PKHD1: variants seen among roughly 807,000 people sequenced by gnomAD.
PKHD1 encodes the protein fibrocystin.
Under a neutral mutation model 412.0 loss-of-function variants are expected in PKHD1, and 291 were observed. The observed-to-expected ratio is 0.71, with a 90% confidence interval of 0.64 to 0.78. PKHD1 has a LOEUF of 0.78. Among genes scored for constraint, PKHD1 ranks in the 30% least tolerant of loss-of-function variants. The probability of loss-of-function intolerance (pLI) is 0.00; values close to 1 mark genes in which losing one functional copy is unlikely to be tolerated. For missense variants in PKHD1, 4,825 were observed against 4,950.7 expected, an observed-to-expected ratio of 0.97 and a Z score of 0.76; for synonymous variants, 1,777 against 1,821.5, an observed-to-expected ratio of 0.98 and a Z score of 0.62.
At chr6:51,690,447 T>C (rs1389607461) in intron 60 of PKHD1, among the ~76,000 whole-genome samples, 3 of 152,042 alleles carry the variant, frequency 2.0e-5, no homozygotes, top group African/African-American at 4.8e-5. Context: ...CAAAACAGCA[T>C]AGTACTGGTA....
chr6:52,036,642 C>T (rs1437512422), intron 27 of PKHD1, among the ~76,000 whole-genome samples: 3 of 152,028 alleles, frequency 2.0e-5, no homozygotes, highest in Non-Finnish European at 4.4e-5. Flanking sequence ...CAGTGTGACT[C>T]GGTGGACTAG....
At chr6:51,700,034 TAGG>T (rs1779248195) in intron 60 of PKHD1, among the ~76,000 whole-genome samples, 1 of 151,714 alleles carries the variant, frequency 6.6e-6, no homozygotes, top group African/African-American at 2.4e-5. Context: ...AAAGATATTT[TAGG>T]AGAACTTGGC....
chr6:51,777,121 G>A (rs541615784), intron 53 of PKHD1, among the ~76,000 whole-genome samples: 120 of 152,128 alleles, frequency 7.9e-4, no homozygotes, highest in African/African-American at 2.8e-3. Context: ...ATAAATTCCC[G>A]AAAAGATAAC....
At chr6:51,914,496 C>G (rs1455208283) in intron 37 of PKHD1, among the ~76,000 whole-genome samples, 1 of 152,052 alleles carries the variant, frequency 6.6e-6, no homozygotes, top group Admixed American at 6.6e-5. Context: ...GAGCTACTAC[C>G]ATCTTGAAAT....
chr6:51,897,618 T>C (rs1232038078), intron 43 of PKHD1, among the ~76,000 whole-genome samples: 44 of 144,794 alleles, frequency 3.0e-4, no homozygotes, highest in African/African-American at 1.1e-3. Context: ...ACGAGCAAAA[T>C]CACCAGCTAA....
intron 46 of PKHD1, among the ~76,000 whole-genome samples, chr6:51,882,364 CTT>C (rs1237204751): frequency 3.3e-5 from 5 of 152,132 alleles, no homozygotes; most frequent in African/African-American, 9.7e-5. Context: ...AAGAAAATGA[CTT>C]TTAAAATCTT....
intron 46 of PKHD1, among the ~76,000 whole-genome samples, chr6:51,872,175 T>C (rs1389606303): frequency 2.0e-5 from 3 of 151,714 alleles, no homozygotes; most frequent in South Asian, 2.1e-4. Flanking sequence ...GAGGAAAACA[T>C]AGGGGAAAGA....
At chr6:51,736,010 C>T (rs570951756) in intron 60 of PKHD1, among the ~76,000 whole-genome samples, 42 of 152,248 alleles carry the variant, frequency 2.8e-4, no homozygotes, top group African/African-American at 9.6e-4. Context: ...GACAATTTAC[C>T]TAATGTCTAC....
chr6:51,632,638 G>A lies in PKHD1; in HGVS notation c.11592C>T (p.Ser3864=). 1 of 1,613,460 alleles carries A rather than the reference G, an allele frequency of 6.2e-7. No homozygotes were observed. Among genetic ancestry groups the A allele is most frequent in the Non-Finnish European group, 8.5e-7 (1 of 1,179,614 alleles). Residue 3864 remains serine (S), a synonymous_variant, in exon 65 of 67, where the codon TCC becomes TCT. Transcript: ENST00000371117. ...KEKSTIILAA[S]LSSVASWLAL... is the part of the protein sequence containing the mutation. ...CCAGCCATGAGGCCACAGAGGACAG[G>A]GAAGCAGCCAGGATGATGGTCGACT...
At chr6:51,918,358 CCACT>C (rs1408199557) in intron 37 of PKHD1, among the ~76,000 whole-genome samples, 1 of 152,046 alleles carries the variant, frequency 6.6e-6, no homozygotes, top group Non-Finnish European at 1.5e-5. Context: ...TGCCCCCCAC[CCACT>C]AACAGGCCCT....
chr6:51,770,029 TG>T (rs1789805931), intron 55 of PKHD1, among the ~76,000 whole-genome samples: 1 of 151,640 alleles, frequency 6.6e-6, no homozygotes, highest in Admixed American at 6.6e-5. Flanking sequence ...AAGGTAATTA[TG>T]GATATATATT....
At chr6:51,979,800 C>T (rs1476158794) in intron 35 of PKHD1, among the ~76,000 whole-genome samples, 1 of 152,182 alleles carries the variant, frequency 6.6e-6, no homozygotes, top group South Asian at 2.1e-4. Context: ...ATACCAAAAG[C>T]CACAGTGTCC....
At chr6:51,997,807 G>C (rs1342504789) in intron 35 of PKHD1, among the ~76,000 whole-genome samples, 1 of 152,210 alleles carries the variant, frequency 6.6e-6, no homozygotes, top group Non-Finnish European at 1.5e-5. Context: ...AGGATGAAAA[G>C]AGGCTGAATG....
At chr6:51,869,577 T>C (rs1183548863) in intron 47 of PKHD1, among the ~76,000 whole-genome samples, 2 of 152,128 alleles carry the variant, frequency 1.3e-5, no homozygotes, top group Non-Finnish European at 1.5e-5. Flanking sequence ...GCCAATACTA[T>C]TCAGTGAAAA....
chr6:51,884,876 T>C (rs1032926503), intron 45 of PKHD1, among the ~76,000 whole-genome samples: 2 of 152,154 alleles, frequency 1.3e-5, no homozygotes, highest in Non-Finnish European at 2.9e-5. Flanking sequence ...GGTATATTTA[T>C]AGTGCTCATG....
intron 61 of PKHD1, among the ~76,000 whole-genome samples, chr6:51,655,362 T>A (rs1345596193): frequency 6.6e-6 from 1 of 152,146 alleles, no homozygotes; most frequent in East Asian, 1.9e-4. Context: ...AAAAGACTTG[T>A]ATAATTGATT....
At chr6:51,825,591 G>C (rs766625567) in intron 52 of PKHD1, among the ~76,000 whole-genome samples, 1 of 152,122 alleles carries the variant, frequency 6.6e-6, no homozygotes, top group African/African-American at 2.4e-5. Flanking sequence ...CAGCCAAGGT[G>C]AGCCTTTCAA....
Position 52,010,672 on chromosome 6 carries a change from G to A in PKHD1, c.5601-213C>T, listed in dbSNP as rs965073398. Among the ~76,000 whole-genome samples the A allele has an allele frequency of 2.2e-4, 34 of 151,960 alleles. 1 individual carries two copies. The highest frequency in any genetic ancestry group is 8.0e-4 in the African/African-American group (33 of 41,350). ...CACCCTGCAATGAAAATGCACCATG[G>A]TAAATATCTTTCACTGAGGCCTTTC... is the stretch of plus-strand genomic sequence containing the variant. On this transcript the variant is annotated intron_variant, in intron 34 of 66. Coordinates refer to ENST00000371117, the MANE Select transcript of PKHD1 (RefSeq NM_138694.4).
intron 50 of PKHD1, among the ~76,000 whole-genome samples, chr6:51,838,793 A>G (rs1769679203): frequency 6.6e-6 from 1 of 152,176 alleles, no homozygotes; most frequent in Non-Finnish European, 1.5e-5. Flanking sequence ...GTTCCTAGAC[A>G]TGGGCCACTG....
Sources: gnomAD v4.1 joint callset for allele counts (sites outside exome capture counted in the v4.1 genomes callset) on GRCh38, gnomAD v4.1.1 for gene constraint, MANE v1.5 for transcripts, NCBI Gene and HGNC (gene_info 2026-07-23, HGNC 2026-07-21) for gene names.